The following SPTBN1 variants were observed in gnomAD, a reference collection of about 807,000 sequenced individuals.
SPTBN1 encodes the protein spectrin beta chain, non-erythrocytic 1.
Under a neutral mutation model 266.4 loss-of-function variants are expected in SPTBN1, and 32 were observed. The observed-to-expected ratio is 0.12, with a 90% CI of 0.09 to 0.16. The LOEUF (loss-of-function observed/expected upper bound fraction) is 0.16, where lower values mean the gene tolerates loss of function less well. Among genes scored for constraint, SPTBN1 ranks in the 10% least tolerant of loss-of-function variants. The pLI, the probability that SPTBN1 is intolerant of heterozygous loss-of-function variation, is 1.00. For synonymous variants in SPTBN1, 1,336 were observed against 1,162.2 expected (o/e 1.15, Z -3.04); for missense variants, 2,296 against 3,067.1 (o/e 0.75, Z 5.94).
rs1166587977 is a variant in SPTBN1 at position 54,628,056 on chromosome 2, C to G, written c.1645-41C>G. On this transcript the variant is annotated intron_variant, in intron 12 of 35. Transcript: ENST00000356805. The surrounding 1 kb of genome is among the most constrained non-coding windows in gnomAD (Gnocchi z 4.3). ...AGATGATGTGATGCTGAAGTCAAGGCTATAGTCACAGATGTCCTTTTGGTT... is the reference window on the plus strand; with the variant it reads ...AGATGATGTGATGCTGAAGTCAAGGGTATAGTCACAGATGTCCTTTTGGTT... The G allele has an allele frequency of 1.9e-6, 3 of 1,574,830 alleles. No homozygotes were observed. The highest frequency in any genetic ancestry group is 1.7e-4 in the Middle Eastern group (1 of 5,884).
At chr2:54,487,458 G>T (rs149984360) in intron 1 of SPTBN1, among the ~76,000 whole-genome samples, 252 of 152,102 alleles carry the variant, frequency 1.7e-3, no homozygotes, top group African/African-American at 5.5e-3. Context: ...AATAAATGTA[G>T]ATCTATTTTG....
In SPTBN1 at chr2:54,656,036, C is replaced by A; in HGVS notation, c.6046+38C>A. On this transcript the variant is annotated intron_variant, in intron 29 of 35. Coordinates refer to ENST00000356805, the MANE Select transcript of SPTBN1 (RefSeq NM_003128.3). ...TTTATCTTTCTGCTCTTTTGGGTAT[C>A]AATGGAAAACATGCACGTTTATTTT... 4 of 1,515,830 alleles carry A rather than the reference C, an allele frequency of 2.6e-6. No homozygotes were observed. In the South Asian group the frequency reaches 3.5e-5, roughly 13 times the overall value. 93.9% of individuals were successfully genotyped at this position (1,515,830 alleles called of 1,614,324 possible).
At chr2:54,544,597 A>G (rs1558824200) in intron 2 of SPTBN1, among the ~76,000 whole-genome samples, 3 of 152,284 alleles carry the variant, frequency 2.0e-5, no homozygotes, top group African/African-American at 7.2e-5. Flanking sequence ...CTAATTTAAA[A>G]CAGGAGGCCT....
chr2:54,517,997 C>A (rs986549978), intron 1 of SPTBN1, among the ~76,000 whole-genome samples: 4 of 150,874 alleles, frequency 2.7e-5, no homozygotes, highest in African/African-American at 9.8e-5. Flanking sequence ...CTGCAGTACA[C>A]TGGATTGTTT....
intron 1 of SPTBN1, among the ~76,000 whole-genome samples, chr2:54,461,011 A>G (rs757599030): frequency 6.6e-6 from 1 of 152,190 alleles, no homozygotes; most frequent in Non-Finnish European, 1.5e-5. Flanking sequence ...TCAAAAAAAT[A>G]AAAATCATAA....
chr2:54,583,854 C>G (rs1190646109), intron 2 of SPTBN1, among the ~76,000 whole-genome samples: 1 of 152,158 alleles, frequency 6.6e-6, no homozygotes, highest in South Asian at 2.1e-4. Flanking sequence ...CCAGACCCAT[C>G]GGGTGAACCT....
intron 10 of SPTBN1, 51 bp downstream of exon 10, chr2:54,623,647 G>T (rs780411816): frequency 8.3e-6 from 12 of 1,442,002 alleles, no homozygotes; most frequent in Middle Eastern, 1.8e-4. Context: ...GAGGCTTCAG[G>T]TTCTATCACT....
chr2:54,481,391 AGTGTGT>A (rs72077761), intron 1 of SPTBN1, among the ~76,000 whole-genome samples: 7,532 of 117,206 alleles, frequency 0.064, 235 homozygotes, highest in African/African-American at 0.11. Flanking sequence ...CAGAAACCTG[AGTGTGT>A]GTGTGTGTGT....
intron 1 of SPTBN1, among the ~76,000 whole-genome samples, chr2:54,525,749 G>A (rs981007856): frequency 3.3e-5 from 5 of 150,886 alleles, no homozygotes. Context: ...TTTTCTTTTT[G>A]AGACGGAGTC....
rs751165277 is a variant in SPTBN1, at chr2:54,632,557, T to C, written c.3565-9T>C. The C allele has an allele frequency of 3.1e-6, 5 of 1,613,928 alleles. No homozygotes were observed. Among genetic ancestry groups the C allele is most frequent in the Non-Finnish European group, 3.4e-6 (4 of 1,179,908 alleles). Reference sequence around the variant, plus strand: ...GATCTGCTATGATTTGTTCCTCTTTTTAAATAAGGAGTATGTTCTGGCTCA... The same window carrying C: ...GATCTGCTATGATTTGTTCCTCTTTCTAAATAAGGAGTATGTTCTGGCTCA... On this transcript the variant is annotated splice_polypyrimidine_tract_variant and intron_variant, in intron 16 of 35. Transcript: ENST00000356805.
chr2:54,625,035 A>G, intron 11 of SPTBN1, 73 bp downstream of exon 11: 1 of 1,487,002 alleles, frequency 6.7e-7, no homozygotes, highest in Non-Finnish European at 9.0e-7. Context: ...CCAGGGGCAT[A>G]GGGCCAGAGG....
At chr2:54,580,631 C>G (rs1674830140) in intron 2 of SPTBN1, among the ~76,000 whole-genome samples, 1 of 151,610 alleles carries the variant, frequency 6.6e-6, no homozygotes. Flanking sequence ...AAAATCTTCT[C>G]TCTTGCATTG....
chr2:54,497,136 C>T (rs565831080), intron 1 of SPTBN1, among the ~76,000 whole-genome samples: 1 of 152,350 alleles, frequency 6.6e-6, no homozygotes, highest in East Asian at 1.9e-4. Flanking sequence ...GAAACCAGCA[C>T]ACCTGGCTTC....
At chr2:54,604,574 A>C (rs1573511821) in intron 3 of SPTBN1, among the ~76,000 whole-genome samples, 1 of 152,178 alleles carries the variant, frequency 6.6e-6, no homozygotes, top group African/African-American at 2.4e-5. Context: ...GAATTGCCCA[A>C]GGCCATACTG....
At chr2:54,641,374 T>A (rs1287387673) in intron 18 of SPTBN1, among the ~76,000 whole-genome samples, 2 of 152,242 alleles carry the variant, frequency 1.3e-5, no homozygotes, top group Non-Finnish European at 2.9e-5. Context: ...CTTGGCACTT[T>A]GAATCAATAA....
chr2:54,532,195 A>G (rs186759843), intron 2 of SPTBN1, among the ~76,000 whole-genome samples: 137 of 152,226 alleles, frequency 9.0e-4, no homozygotes, highest in African/African-American at 3.0e-3. Flanking sequence ...AGGCTGAGAC[A>G]GGAGAATCGG....
intron 7 of SPTBN1, among the ~76,000 whole-genome samples, chr2:54,621,146 G>A (rs922493911): frequency 7.9e-5 from 12 of 152,208 alleles, no homozygotes; most frequent in Admixed American, 7.9e-4. Flanking sequence ...ACCCAGTATG[G>A]TAGTAGGGCA....
intron 2 of SPTBN1, among the ~76,000 whole-genome samples, chr2:54,586,559 C>T (rs1294031231): frequency 6.6e-6 from 1 of 152,162 alleles, no homozygotes; most frequent in East Asian, 1.9e-4. Flanking sequence ...ACTTCTGTAT[C>T]TTAGCTTATC....
intron 15 of SPTBN1, 115 bp downstream of exon 15, chr2:54,630,144 C>T (rs939606914): frequency 7.4e-7 from 1 of 1,352,464 alleles, no homozygotes; most frequent in African/African-American, 1.5e-5. Flanking sequence ...GACATTGCAA[C>T]ACTGATGTCA....
Sources: gnomAD v4.1 joint callset for allele counts (sites outside exome capture counted in the v4.1 genomes callset) on GRCh38, gnomAD v4.1.1 for gene constraint, Gnocchi (gnomAD v3.1) non-coding constraint, MANE v1.5 for transcripts, NCBI Gene and HGNC (gene_info 2026-07-23, HGNC 2026-07-21) for gene names.